The following KCND2 variants were observed in gnomAD, a reference collection of about 807,000 sequenced individuals.
KCND2 encodes A-type voltage-gated potassium channel KCND2.
KCND2 carries 16 observed loss-of-function variants against 54.4 expected under a neutral mutation model. That is an observed-to-expected ratio of 0.29 (90% confidence interval 0.20 to 0.45). The LOEUF is 0.45. Among genes scored for constraint, KCND2 ranks in the 20% least tolerant of loss-of-function variants. The pLI, the probability that KCND2 is intolerant of heterozygous loss-of-function variation, is 1.00. For synonymous variants in KCND2, 317 were observed against 310.7 expected (o/e 1.02, Z -0.21); for missense variants, 486 against 824.2 (o/e 0.59, Z 5.02).
At position 120,497,184 on chromosome 7, in the gene KCND2, AAAT is replaced by A. The variant is rs879577006; in HGVS notation, c.1115+221443_1115+221445del. Among the ~76,000 whole-genome samples, 12 of 152,284 alleles carry A rather than the reference AAAT, an allele frequency of 7.9e-5. No homozygotes were observed. In the South Asian group the frequency reaches 2.1e-3, roughly 26 times the overall value. On this transcript the variant is annotated intron_variant, in intron 1 of 5. Transcript: ENST00000331113. ...GGATATTGGTAACATTTAGAGATAA[AAAT>A]AATAAGCACATAAGAACACCCAATT...
chr7:120,304,161 C>G (rs550345293), intron 1 of KCND2, among the ~76,000 whole-genome samples: 1 of 152,086 alleles, frequency 6.6e-6, no homozygotes, highest in African/African-American at 2.4e-5. Context: ...TCACTGCTCC[C>G]CAGGGCTTTT....
intron 1 of KCND2, among the ~76,000 whole-genome samples, chr7:120,298,358 T>C (rs896233889): frequency 1.3e-5 from 2 of 152,212 alleles, no homozygotes; most frequent in African/African-American, 4.8e-5. Flanking sequence ...TTGAAAACTA[T>C]AGTAGATTTT....
chr7:120,742,358 T>G, intron 3 of KCND2, 152 bp from the exon 4 acceptor site: 1 of 691,852 alleles, frequency 1.4e-6, no homozygotes, highest in Non-Finnish European at 2.6e-6. Flanking sequence ...ATCATCCAAC[T>G]TAACAGGAAC....
At chr7:120,725,126 C>T (rs939469327) in intron 1 of KCND2, among the ~76,000 whole-genome samples, 3 of 152,002 alleles carry the variant, frequency 2.0e-5, no homozygotes, top group East Asian at 1.9e-4. Flanking sequence ...AGCTAAAGAA[C>T]GCAGTCAGTA....
intron 1 of KCND2, among the ~76,000 whole-genome samples, chr7:120,314,962 T>A (rs1247809306): frequency 2.0e-5 from 3 of 152,070 alleles, no homozygotes; most frequent in South Asian, 2.1e-4. Context: ...CTTTTTTTTT[T>A]AAAAGAAAGC....
chr7:120,309,061 GA>G (rs1799689380), intron 1 of KCND2, among the ~76,000 whole-genome samples: 1 of 152,140 alleles, frequency 6.6e-6, no homozygotes. Context: ...GAAAAGCCAA[GA>G]AGACCTAAGT....
At chr7:120,711,622 G>A (rs1484485100) in intron 1 of KCND2, among the ~76,000 whole-genome samples, 1 of 152,144 alleles carries the variant, frequency 6.6e-6, no homozygotes, top group Non-Finnish European at 1.5e-5. Flanking sequence ...TCTTGTAATT[G>A]AAGACTTGAC....
intron 1 of KCND2, among the ~76,000 whole-genome samples, chr7:120,629,963 C>T (rs28368775): frequency 0.26 from 40,001 of 151,986 alleles, 7,357 homozygotes; most frequent in African/African-American, 0.52. Context: ...GCTATACTAG[C>T]CTGGAGTTCA....
intron 1 of KCND2, among the ~76,000 whole-genome samples, chr7:120,577,128 C>T (rs1158730217): frequency 6.6e-6 from 1 of 151,834 alleles, no homozygotes; most frequent in East Asian, 1.9e-4. Flanking sequence ...GCCTGGACAA[C>T]AGAGTGAGAC....
rs147912839 is a variant in KCND2, at chr7:120,325,663, G to A, written c.1115+49916G>A. 8.1e-3 allele frequency among the ~76,000 whole-genome samples: 1,239 copies of A among 152,078 alleles called. 14 individuals carry two copies. Among genetic ancestry groups the A allele is most frequent in the African/African-American group, 0.028 (1,164 of 41,486 alleles). On this transcript the variant is annotated intron_variant, in intron 1 of 5. Coordinates refer to ENST00000331113, the MANE Select transcript of KCND2 (RefSeq NM_012281.3). Reference sequence around the variant, plus strand: ...CCAGGGATGAAGCCCACTTGATCATGGTGGATAAGCTTTTTGATGTAGCAC... The same window carrying A: ...CCAGGGATGAAGCCCACTTGATCATAGTGGATAAGCTTTTTGATGTAGCAC...
At chr7:120,415,573 T>TTGC (rs1249609393) in intron 1 of KCND2, among the ~76,000 whole-genome samples, 2 of 152,022 alleles carry the variant, frequency 1.3e-5, no homozygotes, top group Admixed American at 1.3e-4. Context: ...AACAAGGCCT[T>TTGC]TGCTTGCCCA....
intron 1 of KCND2, among the ~76,000 whole-genome samples, chr7:120,520,928 A>G (rs1303550638): frequency 2.0e-5 from 3 of 152,160 alleles, no homozygotes; most frequent in Non-Finnish European, 2.9e-5. Context: ...CAAACTCTGC[A>G]TTGTCTCTAA....
chr7:120,668,495 G>A (rs1022780888), intron 1 of KCND2, among the ~76,000 whole-genome samples: 41 of 152,028 alleles, frequency 2.7e-4, no homozygotes, highest in African/African-American at 9.4e-4. Context: ...TAATACATCC[G>A]AATTGTCCTT....
chr7:120,524,815 A>T (rs1791753081), intron 1 of KCND2, among the ~76,000 whole-genome samples: 1 of 152,190 alleles, frequency 6.6e-6, no homozygotes, highest in Non-Finnish European at 1.5e-5. Context: ...GGGTTAGCTA[A>T]CTTAGGATAC....
chr7:120,673,266 T>C (rs1396532354), intron 1 of KCND2, among the ~76,000 whole-genome samples: 1 of 152,148 alleles, frequency 6.6e-6, no homozygotes, highest in African/African-American at 2.4e-5. Context: ...TAAACTAACA[T>C]GAGATCCTTC....
At chr7:120,522,647 T>A (rs1282739561) in intron 1 of KCND2, among the ~76,000 whole-genome samples, 1 of 152,158 alleles carries the variant, frequency 6.6e-6, no homozygotes, top group East Asian at 1.9e-4. Context: ...ATAATAACAA[T>A]CCTGAGAATC....
At chr7:120,727,858 G>A (rs556456359) in intron 1 of KCND2, among the ~76,000 whole-genome samples, 2 of 152,124 alleles carry the variant, frequency 1.3e-5, no homozygotes, top group Admixed American at 6.6e-5. Flanking sequence ...ATGGGGGGCC[G>A]GGCACGGTGG....
chr7:120,692,621 C>T (rs1383058559), intron 1 of KCND2, among the ~76,000 whole-genome samples: 1 of 152,132 alleles, frequency 6.6e-6, no homozygotes, highest in African/African-American at 2.4e-5. Context: ...GAACCCATCT[C>T]TTCTAGGATT....
intron 1 of KCND2, among the ~76,000 whole-genome samples, chr7:120,509,190 A>C (rs1803075424): frequency 6.6e-6 from 1 of 151,980 alleles, no homozygotes; most frequent in South Asian, 2.1e-4. Flanking sequence ...ATGACTACTA[A>C]ATGTGATGTG....
Sources: allele counts gnomAD v4.1 joint callset (sites outside exome capture counted in the v4.1 genomes callset), GRCh38; gene constraint gnomAD v4.1.1; transcripts MANE v1.5; gene names NCBI Gene and HGNC (gene_info 2026-07-23, HGNC 2026-07-21).